Variants in TRDN observed in about 807,000 individuals in gnomAD.
The protein encoded by TRDN is triadin.
Under a neutral mutation model 149.7 loss-of-function variants are expected in TRDN, and 161 were observed. The ratio of observed to expected loss-of-function variants is 1.08; its 90% CI spans 0.95 to 1.23. TRDN has a LOEUF of 1.23. Among genes scored for constraint, TRDN ranks in the 50% most tolerant of loss-of-function variants. TRDN has a pLI of 0.00. For missense variants in TRDN, 896 were observed against 823.5 expected, an observed-to-expected ratio of 1.09 and a Z score of -1.08; for synonymous variants, 294 against 250.5, an observed-to-expected ratio of 1.17 and a Z score of -1.64.
intron 6 of TRDN, among the ~76,000 whole-genome samples, chr6:123,513,575 A>G (rs1779275320): frequency 6.6e-6 from 1 of 152,130 alleles, no homozygotes; most frequent in African/African-American, 2.4e-5. Context: ...CAGACAAGAA[A>G]TGGTTACCTA....
intron 1 of TRDN, among the ~76,000 whole-genome samples, chr6:123,579,790 G>T (rs887440927): frequency 2.0e-5 from 3 of 152,080 alleles, no homozygotes; most frequent in Non-Finnish European, 4.4e-5. Context: ...GAATCACGGG[G>T]GCAGTTTCCC....
At chr6:123,513,836 C>CA (rs1262637741) in intron 6 of TRDN, among the ~76,000 whole-genome samples, 2 of 151,830 alleles carry the variant, frequency 1.3e-5, no homozygotes, top group Non-Finnish European at 2.9e-5. Flanking sequence ...AAGCATATTT[C>CA]AACTTATCTG....
intron 24 of TRDN, among the ~76,000 whole-genome samples, chr6:123,313,274 T>C (rs182042848): frequency 4.3e-4 from 65 of 152,094 alleles, no homozygotes; most frequent in African/African-American, 1.6e-3. Context: ...CATTCTGAAG[T>C]CTACTTCTGT....
chr6:123,375,917 C>A (rs540439978), intron 18 of TRDN, among the ~76,000 whole-genome samples: 58 of 152,074 alleles, frequency 3.8e-4, no homozygotes, highest in Non-Finnish European at 7.7e-4. Flanking sequence ...TTTTAATTAT[C>A]CAAGGATCTC....
At chr6:123,378,578 A>G (rs574073306) in intron 16 of TRDN, among the ~76,000 whole-genome samples, 2 of 151,820 alleles carry the variant, frequency 1.3e-5, no homozygotes, top group African/African-American at 4.8e-5. Flanking sequence ...CAGCCTCTCA[A>G]AGTGCTAGGA....
chr6:123,226,269 T>G (rs1391949339), intron 38 of TRDN, among the ~76,000 whole-genome samples: 1 of 151,836 alleles, frequency 6.6e-6, no homozygotes, highest in African/African-American at 2.4e-5. Flanking sequence ...TAACTTAATA[T>G]CTATATTTTA....
At position 123,308,904 on chromosome 6, in the gene TRDN, A is replaced by C. The variant is rs546216694; in HGVS notation, c.1510+7553T>G. Among the ~76,000 whole-genome samples the C allele has an allele frequency of 4.6e-5, 7 of 152,136 alleles. No individual in the cohort carries two copies. The East Asian group carries it at 7.7e-4, about 17-fold the overall frequency. ...TTTCAATAGGTTTCAAAGCTGAGTG[A>C]TTTTTTAAAACTTAAAAAATCATTT... is the stretch of plus-strand genomic sequence containing the variant. On this transcript the variant is annotated intron_variant, in intron 24 of 40. Coordinates refer to ENST00000334268, the MANE Select transcript of TRDN (RefSeq NM_006073.4).
At chr6:123,227,268 CA>C (rs1235288466) in intron 38 of TRDN, among the ~76,000 whole-genome samples, 1 of 151,412 alleles carries the variant, frequency 6.6e-6, no homozygotes, top group Admixed American at 6.6e-5. Flanking sequence ...GAGTTAAATA[CA>C]AAAAAAGGCT....
chr6:123,547,448 TTTTG>T (rs1781170831), intron 3 of TRDN, 76 bp from the exon 4 acceptor site: 2 of 839,108 alleles, frequency 2.4e-6, no homozygotes, highest in Non-Finnish European at 3.4e-6. Context: ...TATTTTCCCC[TTTTG>T]TTTATTTAAA....
At chr6:123,393,138 T>C (rs1772571124) in intron 13 of TRDN, among the ~76,000 whole-genome samples, 1 of 152,054 alleles carries the variant, frequency 6.6e-6, no homozygotes, top group Non-Finnish European at 1.5e-5. Flanking sequence ...ATTAATTTTC[T>C]TAGATGGCTC....
intron 1 of TRDN, among the ~76,000 whole-genome samples, chr6:123,604,685 A>G (rs1562421339): frequency 6.6e-6 from 1 of 152,136 alleles, no homozygotes. Flanking sequence ...ATTTTAAAAT[A>G]TCCAGGAAAC....
intron 24 of TRDN, among the ~76,000 whole-genome samples, chr6:123,291,617 A>G (rs1177473288): frequency 6.6e-6 from 1 of 152,156 alleles, no homozygotes; most frequent in East Asian, 1.9e-4. Flanking sequence ...AGCAAGTTTT[A>G]GATAGTCTGT....
At position 123,464,959 on chromosome 6, in the gene TRDN, G is replaced by A; in HGVS notation, c.878C>T (p.Pro293Leu). 6.3e-7 allele frequency: 1 copy of A among 1,599,732 alleles called. No individual in the cohort carries two copies. The highest frequency in any genetic ancestry group is 8.5e-7 in the Non-Finnish European group (1 of 1,172,800). ...TCTGGAAGCTTGTTCTGTCGGTAAG[G>A]GAGGTGGAATGGCTGGGCTTTGTCC... ...KPGQSPAIPP[P>L]LPTEQASRPT... The change falls in exon 10 of 41, where the codon CCC becomes CTC. Residue 293 changes from proline to leucine, a missense_variant. By Grantham distance (98) the Pro-to-Leu change is moderately conservative. Coordinates refer to ENST00000334268, the MANE Select transcript of TRDN (RefSeq NM_006073.4).
chr6:123,450,614 A>T (rs1775710882), intron 10 of TRDN, among the ~76,000 whole-genome samples: 1 of 152,206 alleles, frequency 6.6e-6, no homozygotes, highest in Admixed American at 6.5e-5. Context: ...TTACTAACAG[A>T]CCTAAGAAAT....
intron 5 of TRDN, among the ~76,000 whole-genome samples, chr6:123,518,734 T>C (rs1779530457): frequency 6.6e-6 from 1 of 152,196 alleles, no homozygotes; most frequent in South Asian, 2.1e-4. Flanking sequence ...CTGTACTGTA[T>C]GCTAGCATTT....
intron 12 of TRDN, among the ~76,000 whole-genome samples, chr6:123,403,834 G>T (rs1373275074): frequency 6.6e-6 from 1 of 151,904 alleles, no homozygotes; most frequent in Non-Finnish European, 1.5e-5. Context: ...AAATACAGGA[G>T]AAAAGAGGAA....
chr6:123,553,035 G>T (rs185818071), intron 2 of TRDN, among the ~76,000 whole-genome samples: 205 of 152,276 alleles, frequency 1.3e-3, no homozygotes, highest in South Asian at 2.3e-3. Context: ...AGGATCTTAT[G>T]CGTAATACAT....
rs1189397137 is a variant in TRDN, at chr6:123,545,466, ATCT to A, written c.424+1871_424+1873del. 2.6e-4 allele frequency among the ~76,000 whole-genome samples: 39 copies of A among 152,042 alleles called. 1 individual carries two copies. The highest frequency in any genetic ancestry group is 8.4e-4 in the African/African-American group (35 of 41,566). ...AAAAATAATAATTACAATGAAATAG[ATCT>A]TCTTGAATTCACTTTCAACTAAGGT... On this transcript the variant is annotated intron_variant, in intron 4 of 40. Transcript: ENST00000334268.
chr6:123,474,567 A>C (rs1777361895), intron 9 of TRDN, among the ~76,000 whole-genome samples: 1 of 152,178 alleles, frequency 6.6e-6, no homozygotes, highest in African/African-American at 2.4e-5. Flanking sequence ...GCTCTGCACC[A>C]AGCCGACCTA....
Sources: allele counts gnomAD v4.1 joint callset (sites outside exome capture counted in the v4.1 genomes callset), GRCh38; gene constraint gnomAD v4.1.1; transcripts MANE v1.5; gene names NCBI Gene and HGNC (gene_info 2026-07-23, HGNC 2026-07-21).